STARD8: variants seen among roughly 807,000 people sequenced by gnomAD.
STARD8 encodes the protein stAR-related lipid transfer protein 8.
A neutral mutation model predicts 69.4 loss-of-function variants in STARD8; 25 were observed. The observed-to-expected ratio is 0.36, with a 90% CI of 0.26 to 0.50. The LOEUF (loss-of-function observed/expected upper bound fraction) is 0.50. STARD8 is among the 20% of genes least tolerant of loss of function. The pLI, the probability that STARD8 is intolerant of heterozygous loss-of-function variation, is 0.96. For missense variants in STARD8, 921 were observed against 932.5 expected (o/e 0.99, Z 0.16); for synonymous variants, 389 against 374.6 (o/e 1.04, Z -0.45).
intron 2 of STARD8, among the ~76,000 whole-genome samples, chrX:68,688,420 C>T (rs2079849410): frequency 9.1e-6 from 1 of 110,492 alleles, no homozygotes; most frequent in African/African-American, 3.4e-5. Context: ...AAGCCACACA[C>T]CACTCCACAA....
intron 1 of STARD8, among the ~76,000 whole-genome samples, chrX:68,654,880 G>A (rs1215983314): frequency 8.9e-6 from 1 of 112,189 alleles, no homozygotes; most frequent in Non-Finnish European, 1.9e-5. Context: ...GGGTGAACGT[G>A]TGACGATGAT....
At chrX:68,652,955 C>A (rs1395681447) in intron 1 of STARD8, among the ~76,000 whole-genome samples, 2 of 51,574 alleles carry the variant, frequency 3.9e-5, no homozygotes, top group East Asian at 6.7e-4. Context: ...CACCACACCA[C>A]ACACACACAC....
At chrX:68,650,018 C>T (rs2147863406) in intron 1 of STARD8, among the ~76,000 whole-genome samples, 1 of 111,358 alleles carries the variant, frequency 9.0e-6, no homozygotes, top group South Asian at 3.8e-4. Context: ...CTGTCCCCTA[C>T]CCCAGTTAAC....
chrX:68,712,862 C>T (rs1047280588), intron 2 of STARD8, 52 bp from the exon 3 acceptor site: 6 of 1,123,461 alleles, frequency 5.3e-6, no homozygotes, highest in Admixed American at 2.5e-5. Context: ...CTGGTGTCAG[C>T]ACCCTCCTAA....
chrX:68,649,807 G>A (rs1050535281), intron 1 of STARD8, among the ~76,000 whole-genome samples: 1 of 110,948 alleles, frequency 9.0e-6, no homozygotes, highest in African/African-American at 3.3e-5. Context: ...TTAAGTGGAC[G>A]GTTTTAGAAA....
intron 2 of STARD8, among the ~76,000 whole-genome samples, chrX:68,687,407 C>T (rs1427538198): frequency 8.9e-6 from 1 of 112,060 alleles, no homozygotes; most frequent in East Asian, 2.8e-4. Context: ...CACTCACTCT[C>T]TCTCGAGACT....
At position 68,665,507 on chromosome X, in the gene STARD8, A is replaced by G. The variant is rs1160460389; in HGVS notation, c.54A>G (p.Pro18=). The G allele has an allele frequency of 3.3e-6, 4 of 1,206,917 alleles. No homozygotes were observed. In the African/African-American group the frequency reaches 7.0e-5, roughly 21 times the overall value. The part of the protein sequence containing the change: ...WSCFRKVKCF[P]LLQVKKNAEA... ...CTCTGTTTCTTTTGCAGTGCTTCCC[A>G]TTGCTGCAGGTGAAGAAGAACGCTG... The change falls in exon 2 of 15, where the codon CCA becomes CCG. Residue 18 remains proline (P), a synonymous_variant. Coordinates refer to ENST00000374599, the MANE Select transcript of STARD8 (RefSeq NM_001142503.3).
intron 3 of STARD8, among the ~76,000 whole-genome samples, 155 bp from the exon 4 acceptor site, chrX:68,715,139 G>T (rs2080081538): frequency 9.0e-6 from 1 of 111,553 alleles, no homozygotes; most frequent in Non-Finnish European, 1.9e-5. Flanking sequence ...AACTCCCTGG[G>T]CACCCTCCTT....
intron 2 of STARD8, among the ~76,000 whole-genome samples, chrX:68,691,559 C>T (rs2079876472): frequency 8.9e-6 from 1 of 112,094 alleles, no homozygotes; most frequent in African/African-American, 3.3e-5. Context: ...TCGCTTGGGC[C>T]ATTTCAAAAT....
intron 2 of STARD8, among the ~76,000 whole-genome samples, chrX:68,698,538 C>T (rs1217065611): frequency 1.8e-5 from 2 of 110,742 alleles, no homozygotes; most frequent in Non-Finnish European, 1.9e-5. Flanking sequence ...TGCCTTCCTC[C>T]GGGAGCCTGT....
Position 68,712,398 on chromosome X carries a change from TTG to T in STARD8, c.80-507_80-506del, listed in dbSNP as rs769655039. ...GGGATAGCAAAGCCATCACCAGTTA[TTG>T]TGTGTGTGAAATGAGAGTTGGCTGT... On this transcript the variant is annotated intron_variant, in intron 2 of 14. Coordinates refer to ENST00000374599, the MANE Select transcript of STARD8 (RefSeq NM_001142503.3). 1.7e-3 allele frequency among the ~76,000 whole-genome samples: 191 copies of T among 112,622 alleles called. 1 individual carries two copies. Among genetic ancestry groups the T allele is most frequent in the Middle Eastern group, 9.3e-3 (2 of 215 alleles).
chrX:68,722,203 G>A (rs2080156175), intron 11 of STARD8, 42 bp downstream of exon 11: 1 of 1,119,299 alleles, frequency 8.9e-7, no homozygotes, highest in Admixed American at 2.4e-5. Flanking sequence ...CCAGACCTGG[G>A]GGAACCATCA....
chrX:68,678,271 A>G (rs907216733), intron 2 of STARD8, among the ~76,000 whole-genome samples: 2 of 111,297 alleles, frequency 1.8e-5, no homozygotes, highest in East Asian at 5.6e-4. Context: ...TAGAAGAAAT[A>G]TGAGGGTTGT....
At chrX:68,668,299 TCTTC>T (rs747034992) in intron 2 of STARD8, among the ~76,000 whole-genome samples, 34 of 95,000 alleles carry the variant, frequency 3.6e-4, no homozygotes, top group African/African-American at 1.5e-3. Context: ...TTTCTTTCTT[TCTTC>T]TTTTTTTCTT....
chrX:68,651,037 C>T (rs962060007), intron 1 of STARD8, among the ~76,000 whole-genome samples: 3 of 112,212 alleles, frequency 2.7e-5, no homozygotes, highest in Non-Finnish European at 3.8e-5. Context: ...ACACATATAC[C>T]CTGGCACAAA....
chrX:68,652,621 T>C (rs893016945), intron 1 of STARD8, among the ~76,000 whole-genome samples: 1 of 110,419 alleles, frequency 9.1e-6, no homozygotes, highest in Non-Finnish European at 1.9e-5. Context: ...GAAGCATGCA[T>C]GAGTCAGTTT....
intron 2 of STARD8, among the ~76,000 whole-genome samples, chrX:68,706,503 T>C (rs932843477): frequency 1.8e-5 from 2 of 111,838 alleles, no homozygotes; most frequent in Non-Finnish European, 3.8e-5. Flanking sequence ...CAGCTCTTAG[T>C]ACAGGTCCTC....
chrX:68,701,781 A>G (rs1241748606), intron 2 of STARD8, among the ~76,000 whole-genome samples: 1 of 111,813 alleles, frequency 8.9e-6, no homozygotes, highest in African/African-American at 3.3e-5. Context: ...GCTGGGTGGC[A>G]TCAGGGAGGA....
At chrX:68,715,159 C>CT (rs2080081812) in intron 3 of STARD8, 135 bp from the exon 4 acceptor site, 3 of 533,710 alleles carry the variant, frequency 5.6e-6, no homozygotes, top group Non-Finnish European at 9.2e-6. Context: ...TTATTCCTGA[C>CT]TTTTTTTCCT....
Sources: gnomAD v4.1 joint callset for allele counts (sites outside exome capture counted in the v4.1 genomes callset) on GRCh38, gnomAD v4.1.1 for gene constraint, MANE v1.5 for transcripts, NCBI Gene and HGNC (gene_info 2026-07-23, HGNC 2026-07-21) for gene names.